The following NCAM1 variants were observed in gnomAD, a reference collection of about 807,000 sequenced individuals.
NCAM1 encodes neural cell adhesion molecule 1.
In NCAM1, 14 loss-of-function variants were observed where a neutral mutation model predicts 109.8. The ratio of observed to expected loss-of-function variants is 0.13; its 90% CI spans 0.08 to 0.20. The LOEUF is 0.20. NCAM1 is among the 10% of genes least tolerant of loss of function. NCAM1 has a pLI of 1.00. For missense variants in NCAM1, 774 were observed against 1,109.9 expected (o/e 0.70, Z 4.30); for synonymous variants, 418 against 442.9 (o/e 0.94, Z 0.70).
intron 1 of NCAM1, among the ~76,000 whole-genome samples, chr11:113,021,429 C>T (rs1952381146): frequency 2.0e-5 from 3 of 152,182 alleles, no homozygotes; most frequent in African/African-American, 7.2e-5. Flanking sequence ...GCTATTATGA[C>T]ATCCTTTGGC....
intron 1 of NCAM1, among the ~76,000 whole-genome samples, chr11:112,974,373 G>A (rs79921335): frequency 0.01 from 1,524 of 151,800 alleles, 25 homozygotes; most frequent in African/African-American, 0.034. Flanking sequence ...ATGATCCCTG[G>A]CTGCCTATTA....
At chr11:113,083,672 G>A (rs782679084) in intron 1 of NCAM1, among the ~76,000 whole-genome samples, 12 of 152,068 alleles carry the variant, frequency 7.9e-5, no homozygotes, top group Non-Finnish European at 1.0e-4. Flanking sequence ...TGTGCTTTTC[G>A]GTCCCCCAAG....
At chr11:113,160,166 C>A (rs1293389270) in intron 1 of NCAM1, among the ~76,000 whole-genome samples, 1 of 152,072 alleles carries the variant, frequency 6.6e-6, no homozygotes, top group Non-Finnish European at 1.5e-5. Flanking sequence ...CGCCTGAGGT[C>A]ACACATAGGG....
At chr11:113,016,536 G>A (rs1381701508) in intron 1 of NCAM1, among the ~76,000 whole-genome samples, 5 of 152,200 alleles carry the variant, frequency 3.3e-5, no homozygotes, top group East Asian at 1.9e-4. Flanking sequence ...CTTGTCATGC[G>A]GTGCAGAACT....
At chr11:113,275,177 C>A in intron 19 of NCAM1, 90 bp from the exon 20 acceptor site, 1 of 1,526,202 alleles carries the variant, frequency 6.6e-7, no homozygotes, top group Non-Finnish European at 8.8e-7. Context: ...AGAACCCCTC[C>A]TCCTCCCTGC....
At chr11:113,177,907 C>T (rs929419266) in intron 1 of NCAM1, among the ~76,000 whole-genome samples, 1 of 152,080 alleles carries the variant, frequency 6.6e-6, no homozygotes, top group Non-Finnish European at 1.5e-5. Flanking sequence ...ATGGCCTCTC[C>T]CTTCACTCCC....
intron 1 of NCAM1, among the ~76,000 whole-genome samples, chr11:113,164,408 G>A (rs574077822): frequency 5.3e-5 from 8 of 152,234 alleles, no homozygotes; most frequent in African/African-American, 1.9e-4. Flanking sequence ...GTTAGAGTCA[G>A]ATCCCACAGG....
intron 1 of NCAM1, among the ~76,000 whole-genome samples, chr11:113,199,285 A>T (rs1231779444): frequency 1.3e-5 from 2 of 152,206 alleles, no homozygotes; most frequent in African/African-American, 2.4e-5. Context: ...AGGAATTTGT[A>T]TTGGGAACAA....
chr11:113,203,165 G>A (rs1555112201), intron 2 of NCAM1, among the ~76,000 whole-genome samples: 1 of 152,194 alleles, frequency 6.6e-6, no homozygotes. Context: ...GGAAGAACCA[G>A]GAAAGAGCTG....
rs556599914 is a variant in NCAM1 at position 113,206,097 on chromosome 11, C to T, written c.545C>T (p.Thr182Ile). 3.3e-5 allele frequency: 53 copies of T among 1,613,928 alleles called. 1 individual carries two copies. In the East Asian group the frequency reaches 9.4e-4, roughly 29 times the overall value. Reference protein sequence around the residue: ...NYLQIRGIKKTDEGTYRCEGR... With the variant: ...NYLQIRGIKKIDEGTYRCEGR... ...CTGCAGATCCGGGGCATCAAGAAAACAGATGAGGGCACTTATCGCTGTGAG... is the reference window on the plus strand; with the variant it reads ...CTGCAGATCCGGGGCATCAAGAAAATAGATGAGGGCACTTATCGCTGTGAG... The change falls in exon 5 of 20, where the codon ACA becomes ATA. Residue 182 changes from threonine to isoleucine, a missense_variant. By Grantham distance (89) the Thr-to-Ile change is moderately conservative. Around this residue, in one of 4 missense-constraint regions of NCAM1, gnomAD observed 523 missense variants for 784.2 expected, o/e 0.67. Transcript: ENST00000316851.
At chr11:113,256,125 G>T (rs1945828609) in intron 16 of NCAM1, 124 bp downstream of exon 16, 2 of 1,297,726 alleles carry the variant, frequency 1.5e-6, no homozygotes, top group African/African-American at 3.0e-5. Flanking sequence ...TGTCTGGCAG[G>T]TGGCCCATGG....
intron 13 of NCAM1, among the ~76,000 whole-genome samples, 179 bp from the exon 14 acceptor site, chr11:113,234,854 C>T (rs1945115959): frequency 6.6e-6 from 1 of 152,244 alleles, no homozygotes. Context: ...CATGGACAGC[C>T]AGGTATCTGT....
At position 112,970,814 on chromosome 11, in the gene NCAM1, T is replaced by C. The variant is rs142948091; in HGVS notation, c.52+9150T>C. Among the ~76,000 whole-genome samples the C allele has an allele frequency of 5.3e-3, 804 of 152,244 alleles. 7 individuals carry two copies. Among genetic ancestry groups the C allele is most frequent in the African/African-American group, 0.018 (760 of 41,538 alleles). On this transcript the variant is annotated intron_variant, in intron 1 of 19. Coordinates refer to ENST00000316851, the MANE Select transcript of NCAM1 (RefSeq NM_181351.5). ...TCTAAAGCAGGAAATTTTGGAAAGATACACTTGTAATGATTTTGGATAAGG... is the reference window on the plus strand; with the variant it reads ...TCTAAAGCAGGAAATTTTGGAAAGACACACTTGTAATGATTTTGGATAAGG...
At chr11:113,216,179 C>G (rs1944523719) in intron 8 of NCAM1, among the ~76,000 whole-genome samples, 1 of 119,490 alleles carries the variant, frequency 8.4e-6, no homozygotes, top group South Asian at 2.7e-4. Flanking sequence ...GAGACGGAGT[C>G]TCGCTGTCGC....
chr11:113,081,775 C>A (rs1555087237), intron 1 of NCAM1, among the ~76,000 whole-genome samples: 1 of 152,132 alleles, frequency 6.6e-6, no homozygotes, highest in East Asian at 1.9e-4. Context: ...CTCAAGTGAT[C>A]CACCCACCTC....
intron 1 of NCAM1, among the ~76,000 whole-genome samples, chr11:113,125,449 T>C (rs560731525): frequency 6.6e-6 from 1 of 152,350 alleles, no homozygotes; most frequent in South Asian, 2.1e-4. Flanking sequence ...TGAACAGGAT[T>C]AAGTTGGATT....
In NCAM1 at chr11:113,164,716, A is replaced by G. The variant is rs140275793; in HGVS notation, c.53-37663A>G. On this transcript the variant is annotated intron_variant, in intron 1 of 19. Transcript: ENST00000316851. The stretch of plus-strand genomic sequence containing the variant: ...CTTCCATGCCTTCTCTGGGTGCACC[A>G]TCCTCCCAGAACCTTTGCCTGGTCA... Among the ~76,000 whole-genome samples, 23 of 152,314 alleles carry G rather than the reference A, an allele frequency of 1.5e-4. No individual in the cohort carries two copies. In the East Asian group the frequency reaches 3.3e-3, roughly 22 times the overall value.
intron 18 of NCAM1, among the ~76,000 whole-genome samples, chr11:113,271,227 A>C (rs1358131192): frequency 1.3e-5 from 2 of 151,990 alleles, no homozygotes; most frequent in Non-Finnish European, 2.9e-5. Context: ...AAAATTAGCC[A>C]GGCGTGGTGG....
rs936268228 is a variant in NCAM1, at chr11:112,962,372, C to G, written c.52+708C>G. 1.3e-5 allele frequency among the ~76,000 whole-genome samples: 2 copies of G among 152,036 alleles called. No individual in the cohort carries two copies. Among genetic ancestry groups the G allele is most frequent in the Non-Finnish European group, 2.9e-5 (2 of 67,990 alleles). On this transcript the variant is annotated intron_variant, in intron 1 of 19. Coordinates refer to ENST00000316851, the MANE Select transcript of NCAM1 (RefSeq NM_181351.5). The surrounding 1 kb of genome is among the most constrained non-coding windows in gnomAD (Gnocchi z 5.6). Reference sequence around the variant, plus strand: ...ACTGAAGGATGGGAGGGTCGAGCGCCGCGTTTTGACAGGAGGAAGTGCGGA... The same window carrying G: ...ACTGAAGGATGGGAGGGTCGAGCGCGGCGTTTTGACAGGAGGAAGTGCGGA...
Sources: allele counts gnomAD v4.1 joint callset (sites outside exome capture counted in the v4.1 genomes callset), GRCh38; gene constraint gnomAD v4.1.1; regional missense constraint gnomAD v4.1.1; non-coding constraint Gnocchi (gnomAD v3.1); transcripts MANE v1.5; gene names NCBI Gene and HGNC (gene_info 2026-07-23, HGNC 2026-07-21).